The following VWA3A variants were observed in gnomAD, a reference collection of about 807,000 sequenced individuals.
VWA3A encodes von Willebrand factor A domain containing 3A, also known as von Willebrand factor A domain-containing protein 3A.
VWA3A carries 134 observed loss-of-function variants against 160.4 expected under a neutral mutation model. The ratio of observed to expected loss-of-function variants is 0.84; its 90% CI spans 0.73 to 0.96. VWA3A has a LOEUF of 0.96. VWA3A is among the 40% of genes least tolerant of loss of function. The probability of loss-of-function intolerance (pLI) is 0.00; values close to 1 mark genes in which losing one functional copy is unlikely to be tolerated. For missense variants in VWA3A, 1,310 were observed against 1,447.9 expected, an observed-to-expected ratio of 0.90 and a Z score of 1.55; for synonymous variants, 476 against 543.4, an observed-to-expected ratio of 0.88 and a Z score of 1.72.
chr16:22,134,552 T>G (rs1377274027), intron 21 of VWA3A, 114 bp downstream of exon 21: 2 of 889,478 alleles, frequency 2.2e-6, no homozygotes, highest in African/African-American at 3.4e-5. Flanking sequence ...TTCTCTCACT[T>G]CCAGAGGCTG....
chr16:22,131,169 C>A (rs1419012326), intron 17 of VWA3A, 36 bp from the exon 18 acceptor site: 1 of 1,605,572 alleles, frequency 6.2e-7, no homozygotes, highest in South Asian at 1.1e-5. Flanking sequence ...GTGGACCTCC[C>A]CCAGCCTAAG....
chr16:22,111,280 T>G (rs1170600389), intron 8 of VWA3A, among the ~76,000 whole-genome samples: 4 of 152,068 alleles, frequency 2.6e-5, no homozygotes, highest in Non-Finnish European at 5.9e-5. Context: ...TTTTAAAAAT[T>G]CCAACAGTAT....
rs955745374 is a variant in VWA3A, at chr16:22,096,943, T to C, written c.99T>C (p.His33=). The C allele has an allele frequency of 6.6e-5, 102 of 1,535,032 alleles. No individual in the cohort carries two copies. The highest frequency in any genetic ancestry group is 2.2e-4 in the East Asian group (9 of 40,682). Residue 33 remains histidine, a splice_region_variant and synonymous_variant, in exon 2 of 34, where the codon CAT becomes CAC. Transcript: ENST00000389398. The part of the protein sequence containing the change: ...HGQENMFLEN[H]CIRRNTGRDS... ...AAGAAAATATGTTTCTGGAAAACCA[T>C]TGGTAAGCATAGTTCTCTGATTTTT...
chr16:22,146,791 G>A (rs1340117393), intron 27 of VWA3A, among the ~76,000 whole-genome samples: 2 of 152,010 alleles, frequency 1.3e-5, no homozygotes, highest in African/African-American at 4.8e-5. Context: ...AATGACAGTG[G>A]GTTCAGAGGA....
chr16:22,137,705 A>G (rs1005806198), intron 21 of VWA3A, among the ~76,000 whole-genome samples: 2 of 152,188 alleles, frequency 1.3e-5, no homozygotes, highest in African/African-American at 4.8e-5. Flanking sequence ...TGACTAGTTG[A>G]GTGCAGGCTG....
chr16:22,118,680 C>T (rs2045685151), intron 11 of VWA3A, among the ~76,000 whole-genome samples: 1 of 152,134 alleles, frequency 6.6e-6, no homozygotes, highest in Non-Finnish European at 1.5e-5. Context: ...AGCGAGACTC[C>T]ATCAAAACAA....
chr16:22,129,653 C>T (rs1419177855), intron 17 of VWA3A, among the ~76,000 whole-genome samples: 1 of 152,012 alleles, frequency 6.6e-6, no homozygotes, highest in Non-Finnish European at 1.5e-5. Flanking sequence ...GGTTTTGAGC[C>T]ATCAGCATTT....
At chr16:22,118,190 A>C (rs1205070576) in intron 11 of VWA3A, among the ~76,000 whole-genome samples, 1 of 152,210 alleles carries the variant, frequency 6.6e-6, no homozygotes, top group East Asian at 1.9e-4. Flanking sequence ...CTGACACAGG[A>C]GGATCACTTG....
chr16:22,100,860 G>GGAAAAA (rs1401739030), intron 5 of VWA3A, among the ~76,000 whole-genome samples: 2 of 138,798 alleles, frequency 1.4e-5, no homozygotes. Flanking sequence ...AAAAAAGAAA[G>GGAAAAA]GAAAAAGAAA....
chr16:22,134,539 T>C (rs2046006999), intron 21 of VWA3A, 101 bp downstream of exon 21: 14 of 989,386 alleles, frequency 1.4e-5, no homozygotes, highest in Non-Finnish European at 2.1e-5. Context: ...TAACAACCAT[T>C]GATTCTCTCA....
chr16:22,136,127 T>A (rs1196376709), intron 21 of VWA3A, among the ~76,000 whole-genome samples: 1 of 152,114 alleles, frequency 6.6e-6, no homozygotes, highest in African/African-American at 2.4e-5. Context: ...TGTTACTTCC[T>A]CAGAGGAGTT....
chr16:22,104,694 T>G lies in VWA3A; in HGVS notation c.483+1165T>G, dbSNP rs529989205. ...GACTTGTCTTTTAAAAAAAAAAAAT[T>G]TTTTTTAATTAAATGTTTTTCTCAG... On this transcript the variant is annotated intron_variant, in intron 6 of 33. Transcript: ENST00000389398. 1.9e-3 allele frequency among the ~76,000 whole-genome samples: 282 copies of G among 152,112 alleles called. 1 individual carries two copies. The highest frequency in any genetic ancestry group is 6.6e-3 in the African/African-American group (274 of 41,478).
chr16:22,135,854 A>G (rs563886259), intron 21 of VWA3A, among the ~76,000 whole-genome samples: 2 of 152,068 alleles, frequency 1.3e-5, no homozygotes, highest in East Asian at 3.9e-4. Context: ...CCATTGTGCA[A>G]TCTCAGCTCA....
chr16:22,155,792 A>C, intron 32 of VWA3A, 59 bp from the exon 33 acceptor site: 3 of 1,612,136 alleles, frequency 1.9e-6, no homozygotes, highest in African/African-American at 1.3e-5. Context: ...TGCTTCTCCC[A>C]GCCAGCCCAG....
At position 22,144,229 on chromosome 16, in the gene VWA3A, C is replaced by T; in HGVS notation, c.2593-18C>T. 6.2e-7 allele frequency: 1 copy of T among 1,602,720 alleles called. No homozygotes were observed. Among genetic ancestry groups the T allele is most frequent in the Non-Finnish European group, 8.5e-7 (1 of 1,175,286 alleles). On this transcript the variant is annotated intron_variant, in intron 25 of 33. Transcript: ENST00000389398. ...GTCTGAATTGCCTAAGATAATAGTTCTTTCCTTTATTCTAAAGTGGGTGGC... is the reference window on the plus strand; with the variant it reads ...GTCTGAATTGCCTAAGATAATAGTTTTTTCCTTTATTCTAAAGTGGGTGGC...
chr16:22,136,893 A>ACG (rs1300294797), intron 21 of VWA3A, among the ~76,000 whole-genome samples: 15,485 of 98,502 alleles, frequency 0.16, 1,132 homozygotes, highest in East Asian at 0.51. Flanking sequence ...ACACACACAC[A>ACG]CGCACACACA....
chr16:22,116,715 T>C (rs745593687), intron 9 of VWA3A, 44 bp from the exon 10 acceptor site: 5 of 1,468,638 alleles, frequency 3.4e-6, no homozygotes, highest in Non-Finnish European at 4.7e-6. Flanking sequence ...GTTCTCAAAG[T>C]GGTCTGACCT....
At chr16:22,138,632 T>C in intron 22 of VWA3A, 120 bp downstream of exon 22, 1 of 1,360,504 alleles carries the variant, frequency 7.4e-7, no homozygotes, top group Non-Finnish European at 9.9e-7. Flanking sequence ...CAGTGGTGAG[T>C]GTCCTGTGGG....
intron 29 of VWA3A, 75 bp from the exon 30 acceptor site, chr16:22,150,620 A>G (rs1317689178): frequency 1.3e-6 from 2 of 1,499,334 alleles, no homozygotes; most frequent in Non-Finnish European, 1.8e-6. Context: ...AGCAGGCACT[A>G]CCTTTAGGCA....
Sources: allele counts gnomAD v4.1 joint callset (sites outside exome capture counted in the v4.1 genomes callset), GRCh38; gene constraint gnomAD v4.1.1; transcripts MANE v1.5; gene names NCBI Gene and HGNC (gene_info 2026-07-23, HGNC 2026-07-21).